Variants in PHF24 observed in about 807,000 individuals in gnomAD.
PHF24 encodes Galpha inhibitory interacting protein.
In PHF24, 25 loss-of-function variants were observed where a neutral mutation model predicts 42.6. The ratio of observed to expected loss-of-function variants is 0.59; its 90% CI spans 0.43 to 0.82. PHF24 has a LOEUF of 0.82. Among genes scored for constraint, PHF24 ranks in the 40% least tolerant of loss-of-function variants. The probability of loss-of-function intolerance (pLI) is 0.00; values close to 1 mark genes in which losing one functional copy is unlikely to be tolerated. For missense variants in PHF24, 470 were observed against 538.1 expected, an observed-to-expected ratio of 0.87 and a Z score of 1.25; for synonymous variants, 185 against 204.8, an observed-to-expected ratio of 0.90 and a Z score of 0.83.
the PHF24 span, among the ~76,000 whole-genome samples, chr9:34,773,749 A>G: frequency 6.6e-6 from 1 of 152,186 alleles, no homozygotes; most frequent in Non-Finnish European, 1.5e-5. Flanking sequence ...ACATCAAACA[A>G]ATTCCAGTAG....
At chr9:34,939,320 A>G in the PHF24 span, among the ~76,000 whole-genome samples, 3 of 152,196 alleles carry the variant, frequency 2.0e-5, no homozygotes, top group East Asian at 1.9e-4. Context: ...ATTTATACCT[A>G]TGTGTCTTAG....
At chr9:34,689,853 G>C in the PHF24 span, 1 of 1,614,184 alleles carries the variant, frequency 6.2e-7, no homozygotes, top group Non-Finnish European at 8.5e-7. The surrounding 1 kb of genome is among the most constrained non-coding windows in gnomAD (Gnocchi z 4.1). Context: ...GAGGAGGAAG[G>C]AGAGGAAGGA....
At chr9:34,908,989 A>C in the PHF24 span, among the ~76,000 whole-genome samples, 1 of 151,556 alleles carries the variant, frequency 6.6e-6, no homozygotes, top group Admixed American at 6.6e-5. Flanking sequence ...CTGGGATTAC[A>C]GGGTGCCTGC....
chr9:34,839,100 G>A, the PHF24 span, among the ~76,000 whole-genome samples: 3 of 152,180 alleles, frequency 2.0e-5, no homozygotes, highest in African/African-American at 7.2e-5. Context: ...AGTCTGTGTG[G>A]CCTCAAGCTT....
chr9:34,886,842 C>CTATG, the PHF24 span, among the ~76,000 whole-genome samples: 34 of 151,304 alleles, frequency 2.2e-4, no homozygotes, highest in African/African-American at 8.1e-4. Flanking sequence ...ATGTATCTAT[C>CTATG]TATCTATCTA....
chr9:34,769,301 A>G, the PHF24 span, among the ~76,000 whole-genome samples: 7 of 152,146 alleles, frequency 4.6e-5, no homozygotes, highest in Admixed American at 3.3e-4. Flanking sequence ...TTTTTACAAA[A>G]TGCAAAATAG....
the PHF24 span, among the ~76,000 whole-genome samples, chr9:34,797,748 G>A: frequency 1.3e-5 from 2 of 151,908 alleles, no homozygotes; most frequent in Non-Finnish European, 2.9e-5. Context: ...GCACAGGATG[G>A]GGGCGCGGCA....
chr9:34,745,432 G>C, the PHF24 span, among the ~76,000 whole-genome samples: 2 of 151,990 alleles, frequency 1.3e-5, no homozygotes, highest in African/African-American at 4.8e-5. Context: ...TGAAAAAAGC[G>C]GTGGGGAAAG....
chr9:34,790,320 T>C, the PHF24 span, among the ~76,000 whole-genome samples: 1 of 152,262 alleles, frequency 6.6e-6, no homozygotes, highest in African/African-American at 2.4e-5. Flanking sequence ...ATGGCCTTTG[T>C]GCAAGACTGC....
At chr9:34,673,471 T>C in the PHF24 span, among the ~76,000 whole-genome samples, 2 of 151,618 alleles carry the variant, frequency 1.3e-5, no homozygotes, top group Non-Finnish European at 2.9e-5. Flanking sequence ...TTTGTTGTTG[T>C]TGTTTGTTTG....
At chr9:34,960,861 G>A (rs1826566777) in intron 1 of PHF24, among the ~76,000 whole-genome samples, 1 of 152,190 alleles carries the variant, frequency 6.6e-6, no homozygotes, top group Non-Finnish European at 1.5e-5. Context: ...CACGAAAGAT[G>A]TCACCAGGTG....
chr9:34,689,659 C>T, the PHF24 span: 12 of 771,340 alleles, frequency 1.6e-5, no homozygotes, highest in Non-Finnish European at 2.2e-5. The surrounding 1 kb of genome is among the most constrained non-coding windows in gnomAD (Gnocchi z 4.1). Context: ...CTCTCGCTCA[C>T]ACTCACACTC....
chr9:34,832,402 A>C, the PHF24 span: 31 of 1,144,292 alleles, frequency 2.7e-5, no homozygotes, highest in Non-Finnish European at 3.3e-5. Context: ...CTGGAGTGTA[A>C]CCGAAGCTTA....
At chr9:34,782,624 C>T in the PHF24 span, among the ~76,000 whole-genome samples, 3 of 152,192 alleles carry the variant, frequency 2.0e-5, no homozygotes, top group Admixed American at 2.0e-4. Flanking sequence ...ATATAGACTA[C>T]TCCAATCCCT....
the PHF24 span, among the ~76,000 whole-genome samples, chr9:34,735,636 C>A: frequency 6.7e-6 from 1 of 150,340 alleles, no homozygotes; most frequent in Admixed American, 6.6e-5. Context: ...CTGTCTCTAC[C>A]AAAAATACAA....
the PHF24 span, among the ~76,000 whole-genome samples, chr9:34,713,197 A>T: frequency 6.6e-6 from 1 of 152,188 alleles, no homozygotes; most frequent in Non-Finnish European, 1.5e-5. Flanking sequence ...ATGACCTGAC[A>T]AAGGGTTCTC....
the PHF24 span, among the ~76,000 whole-genome samples, chr9:34,765,684 C>CATTT: frequency 1.3e-5 from 2 of 150,108 alleles, no homozygotes; most frequent in Non-Finnish European, 3.0e-5. Flanking sequence ...TTAATTGGAG[C>CATTT]ATTTAGCCCA....
At chr9:34,955,735 G>A (rs537944703), upstream of PHF24, among the ~76,000 whole-genome samples, 10 of 152,302 alleles carry the variant, frequency 6.6e-5, no homozygotes, top group South Asian at 6.2e-4. Context: ...CAGAGTCCCA[G>A]CTGCCCCCAG....
the PHF24 span, among the ~76,000 whole-genome samples, chr9:34,933,993 C>T: frequency 7.9e-5 from 12 of 151,992 alleles, no homozygotes; most frequent in Non-Finnish European, 1.8e-4. Flanking sequence ...GATCCGCCTG[C>T]CTCAGCCTGA....
Sources: gnomAD v4.1 joint callset for allele counts (sites outside exome capture counted in the v4.1 genomes callset) on GRCh38, gnomAD v4.1.1 for gene constraint, Gnocchi (gnomAD v3.1) non-coding constraint, MANE v1.5 for transcripts, NCBI Gene and HGNC (gene_info 2026-07-23, HGNC 2026-07-21) for gene names.